Variants in OTOG observed in about 807,000 individuals in gnomAD.
OTOG encodes the protein otogelin.
Under a neutral mutation model 313.8 loss-of-function variants are expected in OTOG, and 296 were observed. The ratio of observed to expected loss-of-function variants is 0.94; its 90% CI spans 0.86 to 1.04. The LOEUF (loss-of-function observed/expected upper bound fraction) is 1.04, where lower values mean the gene tolerates loss of function less well. Ranked by LOEUF, OTOG falls within the 50% of genes least tolerant of loss-of-function variation. The pLI is 0.00. For synonymous variants in OTOG, 1,533 were observed against 1,554.9 expected (o/e 0.99, Z 0.33); for missense variants, 3,948 against 3,840.1 (o/e 1.03, Z -0.74).
chr11:17,600,151 C>T (rs1590032380), intron 31 of OTOG, among the ~76,000 whole-genome samples: 1 of 152,360 alleles, frequency 6.6e-6, no homozygotes, highest in East Asian at 1.9e-4. Flanking sequence ...TCTTCAAACT[C>T]AGCCAAGGTT....
In OTOG at chr11:17,635,188, G is replaced by A. The variant is rs548496846; in HGVS notation, c.7693+1G>A. ...TCCTGCTGCACCTCCTACTTCTGCG[G>A]TGGGTCGCCGCCACCAGACGCCAGC... On this transcript the variant is annotated splice_donor_variant, in intron 46 of 55. Coordinates refer to ENST00000399397, the MANE Select transcript of OTOG (RefSeq NM_001292063.2). LOFTEE classifies it high-confidence loss of function. The A allele has an allele frequency of 1.4e-3, 2,223 of 1,540,164 alleles. No individual in the cohort carries two copies. Among genetic ancestry groups the A allele is most frequent in the Non-Finnish European group, 1.8e-3 (2,095 of 1,145,502 alleles).
Position 17,634,054 on chromosome 11 carries a change from CA to C in OTOG, c.7268-14del. On this transcript the variant is annotated splice_polypyrimidine_tract_variant and intron_variant, in intron 43 of 55. Coordinates refer to ENST00000399397, the MANE Select transcript of OTOG (RefSeq NM_001292063.2). ...CCTTCCTCAGTCCCTCGCACCCTGCCATTCCCCTCTGCAGCCTGCACTGACA... is the reference window on the plus strand; with the variant it reads ...CCTTCCTCAGTCCCTCGCACCCTGCCTTCCCCTCTGCAGCCTGCACTGACA... The C allele has an allele frequency of 6.5e-7, 1 of 1,539,132 alleles. No individual in the cohort carries two copies. Among genetic ancestry groups the C allele is most frequent in the South Asian group, 1.2e-5 (1 of 83,854 alleles).
chr11:17,562,046 A>AAAATATATATAT (rs1440986349), intron 15 of OTOG, among the ~76,000 whole-genome samples: 1 of 139,840 alleles, frequency 7.2e-6, no homozygotes, highest in Non-Finnish European at 1.5e-5. Context: ...CTAAAAAAAA[A>AAAATATATATAT]ATATATATAT....
At chr11:17,632,451 A>G (rs1378610118) in intron 42 of OTOG, among the ~76,000 whole-genome samples, 8 of 152,090 alleles carry the variant, frequency 5.3e-5, no homozygotes, top group Non-Finnish European at 7.4e-5. Flanking sequence ...ATTTATTATG[A>G]TTCATATGAA....
chr11:17,602,619 TA>T (rs1853283438), intron 32 of OTOG, among the ~76,000 whole-genome samples: 1 of 152,208 alleles, frequency 6.6e-6, no homozygotes, highest in African/African-American at 2.4e-5. Context: ...TACCTTGCTG[TA>T]TGCAATAGCT....
At chr11:17,623,345 T>C (rs746489421) in intron 39 of OTOG, among the ~76,000 whole-genome samples, 1 of 152,206 alleles carries the variant, frequency 6.6e-6, no homozygotes, top group Non-Finnish European at 1.5e-5. Context: ...CCCCTCTACC[T>C]GTCCATGTGC....
chr11:17,638,528 T>A lies in OTOG; in HGVS notation c.7873T>A (p.Cys2625Ser). 6.4e-7 allele frequency: 1 copy of A among 1,550,522 alleles called. No individual in the cohort carries two copies. Among genetic ancestry groups the A allele is most frequent in the Non-Finnish European group, 8.7e-7 (1 of 1,146,982 alleles). Residue 2625 changes from cysteine to serine, a missense_variant, in exon 48 of 56, where the codon TGC becomes AGC. Physicochemically the swap from Cys to Ser is moderately radical, Grantham distance 112. Transcript: ENST00000399397. ...ALVEVWSPDR[C>S]CPYKSCECDC... ...GGTGGAGGTGTGGAGCCCCGACCGC[T>A]GCTGCCCCTACAAATCCTGTGGTGA... is the stretch of plus-strand genomic sequence containing the variant.
In OTOG at chr11:17,569,225, C is replaced by G. The variant is rs919572526; in HGVS notation, c.1714C>G (p.Leu572Val). The G allele has an allele frequency of 2.8e-5, 44 of 1,550,476 alleles. No individual in the cohort carries two copies. Among genetic ancestry groups the G allele is most frequent in the Non-Finnish European group, 3.7e-5 (42 of 1,146,996 alleles). ...LHQDPRRQVT[L>V]TQAGDVLLFD... Reference sequence around the variant, plus strand: ...CCAGGACCCTCGGAGGCAGGTGACCCTGACCCAGGCAGGGGATGTCCTTCT... The same window carrying G: ...CCAGGACCCTCGGAGGCAGGTGACCGTGACCCAGGCAGGGGATGTCCTTCT... Residue 572 changes from leucine (L) to valine (V), a missense_variant, in exon 16 of 56, where the codon CTG becomes GTG. Transcript: ENST00000399397.
intron 47 of OTOG, 58 bp downstream of exon 47, chr11:17,635,769 C>T (rs1028327621): frequency 7.1e-7 from 1 of 1,398,770 alleles, no homozygotes; most frequent in Non-Finnish European, 9.9e-7. Flanking sequence ...TCACAGAGTT[C>T]CCACCCCGGA....
chr11:17,553,492 G>A lies in OTOG; in HGVS notation c.513G>A (p.Glu171=), dbSNP rs765038066. The A allele has an allele frequency of 6.9e-7, 1 of 1,450,976 alleles. No homozygotes were observed. The highest frequency in any genetic ancestry group is 2.9e-5 in the Admixed American group (1 of 34,652). 89.9% of individuals were successfully genotyped at this position (1,450,976 alleles called of 1,614,324 possible). A position where few individuals can be genotyped will look rare whatever the true frequency, so the allele number is the denominator to read the frequency against. Residue 171 remains glutamate (E), a synonymous_variant, in exon 6 of 56, where the codon GAG becomes GAA. Transcript: ENST00000399397. ...GCTACACCCTGGTGGGTCGCCATGA[G>A]CCCGAGGGACAGAGCTTCTCCATCC... ...KGSYTLVGRH[E]PEGQSFSIQV... is the part of the protein sequence containing the mutation.
In OTOG at chr11:17,572,099, G is replaced by A; in HGVS notation, c.1975G>A (p.Glu659Lys). 6.4e-7 allele frequency: 1 copy of A among 1,550,452 alleles called. No individual in the cohort carries two copies. Among genetic ancestry groups the A allele is most frequent in the Non-Finnish European group, 8.7e-7 (1 of 1,146,948 alleles). The change falls in exon 18 of 56, where the codon GAG becomes AAG. Residue 659 changes from glutamate to lysine, a missense_variant. Transcript: ENST00000399397. ...CTGCAGGTCTCCAGTGGGTGTACCT[G>A]AGAGCACCCCACAACTTTTTGGCAA... is the stretch of plus-strand genomic sequence containing the variant. ...DDFLSPVGVP[E>K]STPQLFGNSW...
At chr11:17,599,919 C>T (rs1176743183) in intron 31 of OTOG, among the ~76,000 whole-genome samples, 2 of 152,102 alleles carry the variant, frequency 1.3e-5, no homozygotes, top group African/African-American at 4.8e-5. Flanking sequence ...GTCCGGGGCC[C>T]AGGCAGGCCA....
At chr11:17,549,191 A>G (rs963766222) in intron 3 of OTOG, among the ~76,000 whole-genome samples, 1 of 152,078 alleles carries the variant, frequency 6.6e-6, no homozygotes, top group Non-Finnish European at 1.5e-5. Context: ...TTCTATAACT[A>G]CAGATGAGCT....
At position 17,610,731 on chromosome 11, in the gene OTOG, G is replaced by T; in HGVS notation, c.5431G>T (p.Ala1811Ser). The part of the protein sequence containing the change: ...GLPPDTSLPL[A>S]KVGTSAPVAT... ...GCCTCCCGACACCAGCCTGCCCCTG[G>T]CCAAGGTGGGCACATCTGCCCCAGT... The change falls in exon 36 of 56, where the codon GCC (alanine) becomes TCC (serine). Residue 1811 changes from alanine to serine, a missense_variant. Physicochemically the swap from Ala to Ser is moderately conservative, Grantham distance 99. Coordinates refer to ENST00000399397, the MANE Select transcript of OTOG (RefSeq NM_001292063.2). The T allele has an allele frequency of 6.5e-7, 1 of 1,549,930 alleles. No individual in the cohort carries two copies. Among genetic ancestry groups the T allele is most frequent in the Middle Eastern group, 1.7e-4 (1 of 5,992 alleles).
chr11:17,644,435 T>A (rs550666894), intron 54 of OTOG, among the ~76,000 whole-genome samples: 1 of 152,354 alleles, frequency 6.6e-6, no homozygotes, highest in Admixed American at 6.5e-5. Context: ...CTAAAGGGAT[T>A]CCTGGGGTTA....
At chr11:17,567,268 A>C (rs1852309724) in intron 15 of OTOG, among the ~76,000 whole-genome samples, 1 of 152,194 alleles carries the variant, frequency 6.6e-6, no homozygotes, top group South Asian at 2.1e-4. Context: ...AGATACAATG[A>C]TTTTGAGCTG....
Position 17,596,962 on chromosome 11 carries a change from T to C in OTOG, c.3637T>C (p.Cys1213Arg). 6.4e-7 allele frequency: 1 copy of C among 1,550,644 alleles called. No individual in the cohort carries two copies. Among genetic ancestry groups the C allele is most frequent in the Non-Finnish European group, 8.7e-7 (1 of 1,147,012 alleles). Reference protein sequence around the residue: ...ASVSAYAHQCCQHGVAVDWRT... With the variant: ...ASVSAYAHQCRQHGVAVDWRT... ...CGTCTCCGCTTATGCCCACCAGTGTTGCCAGCATGGGGTGGCTGTTGACTG... is the reference window on the plus strand; with the variant it reads ...CGTCTCCGCTTATGCCCACCAGTGTCGCCAGCATGGGGTGGCTGTTGACTG... Residue 1213 changes from cysteine to arginine, a missense_variant, in exon 30 of 56, where the codon TGC becomes CGC. Cys to Arg is a radical substitution (Grantham distance 180). Transcript: ENST00000399397.
intron 37 of OTOG, 143 bp downstream of exon 37, chr11:17,612,473 C>A: frequency 7.2e-7 from 1 of 1,385,052 alleles, no homozygotes; most frequent in Non-Finnish European, 9.6e-7. Flanking sequence ...GACCTCTGAT[C>A]TGTGTGATGC....
intron 16 of OTOG, among the ~76,000 whole-genome samples, chr11:17,569,515 T>C (rs1318243805): frequency 2.0e-5 from 3 of 152,216 alleles, no homozygotes; most frequent in African/African-American, 7.2e-5. Context: ...TGGCTTCTCC[T>C]AACATGAACA....
Sources: allele counts gnomAD v4.1 joint callset (sites outside exome capture counted in the v4.1 genomes callset), GRCh38; gene constraint gnomAD v4.1.1; transcripts MANE v1.5; gene names NCBI Gene and HGNC (gene_info 2026-07-23, HGNC 2026-07-21).